Variants in SUSD4 observed in about 807,000 individuals in gnomAD.
SUSD4 encodes the protein sushi domain containing 4.
SUSD4 carries 41 observed loss-of-function variants against 50.5 expected under a neutral mutation model. The ratio of observed to expected loss-of-function variants is 0.81; its 90% CI spans 0.63 to 1.05. The LOEUF (loss-of-function observed/expected upper bound fraction) is 1.05, where lower values mean the gene tolerates loss of function less well. Ranked by LOEUF, SUSD4 falls within the 50% of genes least tolerant of loss-of-function variation. The pLI is 0.00. For missense variants in SUSD4, 580 were observed against 634.7 expected (o/e 0.91, Z 0.93); for synonymous variants, 257 against 257.3 (o/e 1.00, Z 0.01).
intron 2 of SUSD4, among the ~76,000 whole-genome samples, chr1:223,314,853 C>G (rs897867619): frequency 6.6e-6 from 1 of 152,114 alleles, no homozygotes; most frequent in Non-Finnish European, 1.5e-5. Context: ...ATGTCTTTAA[C>G]AGCAGCATGA....
chr1:223,290,027 G>A (rs1664384675), intron 3 of SUSD4, among the ~76,000 whole-genome samples: 1 of 152,152 alleles, frequency 6.6e-6, no homozygotes, highest in African/African-American at 2.4e-5. Context: ...GAATTGTTGT[G>A]CATGTTAAAT....
intron 2 of SUSD4, among the ~76,000 whole-genome samples, chr1:223,335,500 A>G (rs1418889872): frequency 6.6e-6 from 1 of 152,194 alleles, no homozygotes; most frequent in Non-Finnish European, 1.5e-5. Context: ...CCAGGAATAG[A>G]CAAGACCCAT....
chr1:223,365,005 G>A (rs1396640402), upstream of SUSD4, among the ~76,000 whole-genome samples: 1 of 152,134 alleles, frequency 6.6e-6, no homozygotes, highest in African/African-American at 2.4e-5. Flanking sequence ...TCTTGGAGAT[G>A]CGCGGGGCCC....
chr1:223,308,576 T>C (rs966920980), intron 2 of SUSD4, among the ~76,000 whole-genome samples: 4 of 152,216 alleles, frequency 2.6e-5, no homozygotes, highest in African/African-American at 9.6e-5. Flanking sequence ...TATAAGCATA[T>C]ATAAGCTGAA....
At chr1:223,291,207 T>C (rs1480976890) in intron 3 of SUSD4, among the ~76,000 whole-genome samples, 1 of 152,118 alleles carries the variant, frequency 6.6e-6, no homozygotes, top group African/African-American at 2.4e-5. Flanking sequence ...AAAATGCTTA[T>C]CACGGCCGGG....
intron 5 of SUSD4, among the ~76,000 whole-genome samples, chr1:223,244,476 A>C (rs1278052232): frequency 3.3e-5 from 5 of 152,132 alleles, no homozygotes; most frequent in Admixed American, 2.0e-4. Flanking sequence ...GAAAAGACAA[A>C]ATAAACAGGA....
chr1:223,330,964 C>G (rs1472770418), intron 2 of SUSD4, among the ~76,000 whole-genome samples: 1 of 152,120 alleles, frequency 6.6e-6, no homozygotes, highest in Non-Finnish European at 1.5e-5. Context: ...GACCTCTGTC[C>G]TAATAAAAAT....
chr1:223,276,094 G>A (rs1236852862), intron 3 of SUSD4, among the ~76,000 whole-genome samples: 1 of 152,232 alleles, frequency 6.6e-6, no homozygotes, highest in African/African-American at 2.4e-5. Context: ...GGTTTGGAAG[G>A]ACCCGAGTGG....
chr1:223,245,384 A>G (rs1474084507), intron 5 of SUSD4, among the ~76,000 whole-genome samples: 1 of 151,972 alleles, frequency 6.6e-6, no homozygotes, highest in Non-Finnish European at 1.5e-5. Context: ...CACGATGCAT[A>G]AAAACTAGGA....
rs1030403594 is a variant in SUSD4, at chr1:223,363,283, G to C, written c.143C>G (p.Thr48Arg). 1 of 1,596,946 alleles carries C rather than the reference G, an allele frequency of 6.3e-7. No homozygotes were observed. Among genetic ancestry groups the C allele is most frequent in the Non-Finnish European group, 8.5e-7 (1 of 1,171,024 alleles). The stretch of plus-strand genomic sequence containing the variant: ...ACCACAGCTGGGTCACTCACCGCCC[G>C]TGAGCTGTGCAGGGCCGAAGCACAG... The part of the protein sequence containing the change: ...LALCFGPAQL[T>R]GGFDDLQVCA... Residue 48 changes from threonine (T) to arginine (R), a missense_variant, in exon 2 of 9, where the codon ACG becomes AGG. By Grantham distance (71) the Thr-to-Arg change is moderately conservative. Transcript: ENST00000366878.
intron 3 of SUSD4, among the ~76,000 whole-genome samples, chr1:223,277,121 C>A (rs1663333278): frequency 6.6e-6 from 1 of 152,186 alleles, no homozygotes; most frequent in South Asian, 2.1e-4. Flanking sequence ...TGAGCTGAAT[C>A]TTTTAATTAA....
At chr1:223,230,947 C>T (rs1479215547) in intron 5 of SUSD4, among the ~76,000 whole-genome samples, 2 of 152,072 alleles carry the variant, frequency 1.3e-5, no homozygotes, top group Non-Finnish European at 2.9e-5. Context: ...TCAGGGAAAA[C>T]CAGGACTTGA....
chr1:223,266,372 T>A (rs1268623858), intron 4 of SUSD4, among the ~76,000 whole-genome samples: 1 of 152,072 alleles, frequency 6.6e-6, no homozygotes, highest in Non-Finnish European at 1.5e-5. Flanking sequence ...ACTCAATAAT[T>A]GAGAAAAAAA....
At chr1:223,236,025 G>A (rs934205969) in intron 5 of SUSD4, among the ~76,000 whole-genome samples, 1 of 152,128 alleles carries the variant, frequency 6.6e-6, no homozygotes, top group African/African-American at 2.4e-5. Context: ...TCAGCATTTC[G>A]GTTTGTAAGT....
Position 223,264,582 on chromosome 1 carries a change from C to T in SUSD4, c.724+48G>A, listed in dbSNP as rs557330862. ...TCTTCCTCCTACTGATCTTCTTCCT[C>T]CCTTTAATAATACAAAATACAACTT... On this transcript the variant is annotated intron_variant, in intron 5 of 8. Coordinates refer to ENST00000366878, the MANE Select transcript of SUSD4 (RefSeq NM_017982.4). 159 of 1,604,600 alleles carry T rather than the reference C, an allele frequency of 9.9e-5. 1 individual carries two copies. The South Asian group carries it at 1.7e-3, about 17-fold the overall frequency.
At chr1:223,341,348 G>A (rs896223520) in intron 2 of SUSD4, among the ~76,000 whole-genome samples, 2 of 152,178 alleles carry the variant, frequency 1.3e-5, no homozygotes, top group African/African-American at 2.4e-5. Context: ...AGAGCATAGC[G>A]GACAGCTTAA....
intron 8 of SUSD4, 82 bp downstream of exon 8, chr1:223,223,167 C>G (rs1486697633): frequency 6.1e-6 from 9 of 1,484,978 alleles, no homozygotes; most frequent in Non-Finnish European, 3.6e-6. Flanking sequence ...GGGGGTGGAG[C>G]GTGCGTAGCA....
intron 5 of SUSD4, among the ~76,000 whole-genome samples, chr1:223,262,291 T>C (rs1266437778): frequency 2.0e-5 from 3 of 152,062 alleles, no homozygotes; most frequent in African/African-American, 7.2e-5. Context: ...TTCTAACATA[T>C]CTAAAAGCCC....
chr1:223,293,065 G>A (rs1375439501), intron 2 of SUSD4, among the ~76,000 whole-genome samples: 1 of 152,148 alleles, frequency 6.6e-6, no homozygotes, highest in African/African-American at 2.4e-5. Flanking sequence ...TCTGTGCAGG[G>A]AGGCATGGGT....
Sources: allele counts gnomAD v4.1 joint callset (sites outside exome capture counted in the v4.1 genomes callset), GRCh38; gene constraint gnomAD v4.1.1; transcripts MANE v1.5; gene names NCBI Gene and HGNC (gene_info 2026-07-23, HGNC 2026-07-21).